MCUB: variants seen among roughly 807,000 people sequenced by gnomAD.
MCUB encodes calcium uniporter regulatory subunit MCUb, mitochondrial.
MCUB carries 46 observed loss-of-function variants against 41.4 expected under a neutral mutation model. The ratio of observed to expected loss-of-function variants is 1.11; its 90% CI spans 0.88 to 1.42. The LOEUF is 1.42. Among genes scored for constraint, MCUB ranks in the 40% most tolerant of loss-of-function variants. MCUB has a pLI of 0.00. For synonymous variants in MCUB, 148 were observed against 148.2 expected (o/e 1.00, Z 0.01); for missense variants, 403 against 404.9 (o/e 1.00, Z 0.04).
At chr4:109,686,295 C>T (rs1729834684) in intron 7 of MCUB, among the ~76,000 whole-genome samples, 1 of 152,216 alleles carries the variant, frequency 6.6e-6, no homozygotes, top group South Asian at 2.1e-4. Context: ...CCCGCCACCA[C>T]ACCTGGTTAC....
chr4:109,604,774 A>C (rs1727833945), intron 1 of MCUB, among the ~76,000 whole-genome samples: 1 of 152,204 alleles, frequency 6.6e-6, no homozygotes, highest in Admixed American at 6.5e-5. Flanking sequence ...TGAAATGATG[A>C]TACAGTTTTT....
At chr4:109,622,895 G>T (rs996947876) in intron 1 of MCUB, among the ~76,000 whole-genome samples, 2 of 152,168 alleles carry the variant, frequency 1.3e-5, no homozygotes, top group Non-Finnish European at 2.9e-5. Flanking sequence ...AGCCAGCCAC[G>T]CATCATGCAG....
chr4:109,687,713 A>G lies in MCUB; in HGVS notation c.*121A>G, dbSNP rs1729883046. On this transcript the variant is annotated 3_prime_UTR_variant, in exon 8 of 8. Transcript: ENST00000394650. ...CTTTGTTATTAAATTCTTGTAAAACAGAAGTATTGTTTGAAGTTCTCAACT... is the reference window on the plus strand; with the variant it reads ...CTTTGTTATTAAATTCTTGTAAAACGGAAGTATTGTTTGAAGTTCTCAACT... 1 of 671,872 alleles carries G rather than the reference A, an allele frequency of 1.5e-6. No homozygotes were observed. Among genetic ancestry groups the G allele is most frequent in the Non-Finnish European group, 2.6e-6 (1 of 391,618 alleles). The allele number at this position is 671,872 out of a possible 1,614,324, so 41.6% of individuals were successfully genotyped here.
At chr4:109,619,239 C>T (rs985309759) in intron 1 of MCUB, among the ~76,000 whole-genome samples, 2 of 152,150 alleles carry the variant, frequency 1.3e-5, no homozygotes, top group Admixed American at 1.3e-4. Context: ...CCATACCCAG[C>T]TAATTTTTTT....
chr4:109,631,963 G>A (rs1268575825), intron 1 of MCUB, among the ~76,000 whole-genome samples: 4 of 151,990 alleles, frequency 2.6e-5, no homozygotes, highest in Non-Finnish European at 5.9e-5. Context: ...GCTGACAAAC[G>A]GCAGGCCCCT....
intron 1 of MCUB, among the ~76,000 whole-genome samples, chr4:109,620,867 G>A (rs905924332): frequency 2.0e-5 from 3 of 151,176 alleles, no homozygotes; most frequent in Non-Finnish European, 4.4e-5. Context: ...TAAATAACTT[G>A]CTCAAAGAAC....
chr4:109,603,591 C>A (rs989012396), intron 1 of MCUB, among the ~76,000 whole-genome samples: 7 of 151,508 alleles, frequency 4.6e-5, no homozygotes, highest in African/African-American at 1.7e-4. Flanking sequence ...TCTACCTGGC[C>A]GCCACCCTGT....
In MCUB at chr4:109,660,281, C is replaced by A; in HGVS notation, c.262C>A (p.Pro88Thr). Residue 88 changes from proline (P) to threonine (T), a missense_variant, in exon 3 of 8, where the codon CCA becomes ACA. Coordinates refer to ENST00000394650, the MANE Select transcript of MCUB (RefSeq NM_017918.5). ...AGAACGTTGTCAATTCGTAGTCAAA[C>A]CAATGTTGTCAACAGTTGGTTCATT... ...RKERCQFVVKPMLSTVGSFLQ... is the reference protein window; with the variant it reads ...RKERCQFVVKTMLSTVGSFLQ... 1 of 1,603,728 alleles carries A rather than the reference C, an allele frequency of 6.2e-7. No individual in the cohort carries two copies.
chr4:109,666,874 G>C (rs1729357378), intron 4 of MCUB, among the ~76,000 whole-genome samples: 2 of 152,114 alleles, frequency 1.3e-5, no homozygotes, highest in Admixed American at 6.5e-5. Flanking sequence ...TCCTTAGTCT[G>C]TTGATATGAT....
intron 1 of MCUB, among the ~76,000 whole-genome samples, chr4:109,604,619 T>C (rs541200689): frequency 6.6e-6 from 1 of 152,300 alleles, no homozygotes; most frequent in East Asian, 1.9e-4. Flanking sequence ...GCTTTCAGTT[T>C]TTCGTCATTC....
At chr4:109,581,775 A>G (rs1264523843) in intron 1 of MCUB, among the ~76,000 whole-genome samples, 1 of 152,260 alleles carries the variant, frequency 6.6e-6, no homozygotes, top group African/African-American at 2.4e-5. Context: ...AACACATGAA[A>G]AAATGCTTAT....
chr4:109,621,022 C>A (rs1354832986), intron 1 of MCUB, among the ~76,000 whole-genome samples: 2 of 152,058 alleles, frequency 1.3e-5, no homozygotes, highest in Non-Finnish European at 2.9e-5. Context: ...CTTCAGCCTC[C>A]TGAGTAGCTG....
chr4:109,633,876 C>T (rs1436678002), intron 1 of MCUB, among the ~76,000 whole-genome samples: 1 of 151,752 alleles, frequency 6.6e-6, no homozygotes, highest in Non-Finnish European at 1.5e-5. Context: ...CCACCCCCAC[C>T]CCCACCATCC....
chr4:109,588,284 T>G (rs1727354246), intron 1 of MCUB, among the ~76,000 whole-genome samples: 1 of 152,190 alleles, frequency 6.6e-6, no homozygotes, highest in African/African-American at 2.4e-5. Flanking sequence ...GAAGTGAGAG[T>G]GAAATTTTGC....
intron 1 of MCUB, among the ~76,000 whole-genome samples, chr4:109,585,871 C>A (rs1402198455): frequency 6.6e-6 from 1 of 152,152 alleles, no homozygotes; most frequent in East Asian, 1.9e-4. Context: ...TCTGGCTGCC[C>A]TTAACATTTT....
At chr4:109,652,526 C>T (rs1005251134) in intron 1 of MCUB, among the ~76,000 whole-genome samples, 5 of 152,070 alleles carry the variant, frequency 3.3e-5, no homozygotes, top group East Asian at 1.9e-4. Flanking sequence ...ATTGAGAGGT[C>T]GCATCTGGTC....
intron 1 of MCUB, among the ~76,000 whole-genome samples, chr4:109,584,184 G>A (rs1424652948): frequency 2.6e-5 from 4 of 152,154 alleles, no homozygotes; most frequent in Non-Finnish European, 5.9e-5. Flanking sequence ...TTGGGAGGGT[G>A]TATGTGTCCA....
intron 1 of MCUB, among the ~76,000 whole-genome samples, chr4:109,605,033 CT>C (rs1727838998): frequency 6.6e-6 from 1 of 152,104 alleles, no homozygotes. Context: ...TACCAGCCTT[CT>C]AGAATAAGTT....
chr4:109,677,801 A>AT lies in MCUB; in HGVS notation c.452-4781_452-4780insT, dbSNP rs1228682395. On this transcript the variant is annotated intron_variant, in intron 4 of 7. Transcript: ENST00000394650. ...AATTTCTGTTCCTTATAAGGAAACA[A>AT]ATTTTTTTTTTTTTTTTTTTTTTTT... is the stretch of plus-strand genomic sequence containing the variant. 5.5e-5 allele frequency among the ~76,000 whole-genome samples: 6 copies of AT among 108,246 alleles called. No homozygotes were observed. The East Asian group carries it at 9.9e-4, about 18-fold the overall frequency. 71.0% of individuals were successfully genotyped at this position (108,246 alleles called of 152,430 possible). A position where few individuals can be genotyped will look rare whatever the true frequency, so the allele number is the denominator to read the frequency against.
Sources: allele counts gnomAD v4.1 joint callset (sites outside exome capture counted in the v4.1 genomes callset), GRCh38; gene constraint gnomAD v4.1.1; transcripts MANE v1.5; gene names NCBI Gene and HGNC (gene_info 2026-07-23, HGNC 2026-07-21).